CACNA1B: variants seen among roughly 807,000 people sequenced by gnomAD.
CACNA1B encodes voltage-dependent N-type calcium channel subunit alpha-1B.
CACNA1B carries 70 observed loss-of-function variants against 247.2 expected under a neutral mutation model. That is an observed-to-expected ratio of 0.28 (90% CI 0.23 to 0.35). The LOEUF (loss-of-function observed/expected upper bound fraction) is 0.35. Ranked by LOEUF, CACNA1B falls within the 10% of genes least tolerant of loss-of-function variation. CACNA1B has a pLI of 1.00. For synonymous variants in CACNA1B, 1,231 were observed against 1,294.4 expected (o/e 0.95, Z 1.05); for missense variants, 2,367 against 3,197.4 (o/e 0.74, Z 6.26).
At chr9:138,063,443 A>G (rs1959804310) in intron 31 of CACNA1B, among the ~76,000 whole-genome samples, 2 of 152,240 alleles carry the variant, frequency 1.3e-5, no homozygotes, top group South Asian at 2.1e-4. Context: ...GCAGTGAGCT[A>G]TGATCGCACC....
chr9:137,964,757 A>G (rs1015909788), intron 10 of CACNA1B, among the ~76,000 whole-genome samples: 23 of 152,256 alleles, frequency 1.5e-4, no homozygotes, highest in African/African-American at 5.5e-4. Context: ...TGTTGTGGTC[A>G]TTTGGAAGAA....
At chr9:138,088,967 A>G (rs1225000169) in intron 36 of CACNA1B, among the ~76,000 whole-genome samples, 2 of 59,366 alleles carry the variant, frequency 3.4e-5, no homozygotes, top group African/African-American at 1.9e-4. Flanking sequence ...CTCAAAAAAA[A>G]AAAAAAAAAA....
intron 25 of CACNA1B, among the ~76,000 whole-genome samples, chr9:138,053,168 G>C (rs952560452): frequency 6.6e-5 from 10 of 152,224 alleles, no homozygotes; most frequent in South Asian, 2.1e-4. Flanking sequence ...GTGCAGGGCA[G>C]AGCCTGGCTG....
chr9:137,985,728 G>A (rs1190900979), intron 13 of CACNA1B, among the ~76,000 whole-genome samples: 1 of 152,202 alleles, frequency 6.6e-6, no homozygotes, highest in East Asian at 1.9e-4. Flanking sequence ...AGAGGCACAG[G>A]GACATGAGGG....
intron 13 of CACNA1B, among the ~76,000 whole-genome samples, chr9:137,985,978 C>T (rs997249663): frequency 4.6e-5 from 7 of 152,224 alleles, no homozygotes; most frequent in African/African-American, 7.2e-5. Context: ...CTGTAGGTTC[C>T]GGTGTAGCTC....
At chr9:137,922,716 T>C (rs1376507393) in intron 6 of CACNA1B, among the ~76,000 whole-genome samples, 2 of 152,192 alleles carry the variant, frequency 1.3e-5, no homozygotes, top group Non-Finnish European at 2.9e-5. Flanking sequence ...AAGATAATTG[T>C]AGATTCACAT....
At chr9:138,088,546 A>G (rs1960776183) in intron 36 of CACNA1B, among the ~76,000 whole-genome samples, 1 of 152,150 alleles carries the variant, frequency 6.6e-6, no homozygotes, top group South Asian at 2.1e-4. Context: ...CACATTAGAA[A>G]ACCTAGCGGA....
chr9:138,104,747 T>C lies in CACNA1B; in HGVS notation c.5320-952T>C, dbSNP rs148998229. Among the ~76,000 whole-genome samples, 45 of 152,362 alleles carry C rather than the reference T, an allele frequency of 3.0e-4. No homozygotes were observed. The East Asian group carries it at 8.7e-3, about 29-fold the overall frequency. The stretch of plus-strand genomic sequence containing the variant: ...CAGGCAGACCCTGGGGAGGAGCTCC[T>C]GTCTCTAGCTGGACAGTGCTCCTGG... On this transcript the variant is annotated intron_variant, in intron 38 of 46. Coordinates refer to ENST00000371372, the MANE Select transcript of CACNA1B (RefSeq NM_000718.4).
At chr9:138,108,332 C>CAAAAAAAAAAAAAAAAAAAAAAA (rs1961507378) in intron 39 of CACNA1B, among the ~76,000 whole-genome samples, 1 of 127,472 alleles carries the variant, frequency 7.8e-6, no homozygotes, top group African/African-American at 3.2e-5. Context: ...AAAAAAAAAG[C>CAAAAAAAAAAAAAAAAAAAAAAA]AAAAGCTTCA....
At position 137,955,578 on chromosome 9, in the gene CACNA1B, C is replaced by G. The variant is rs1248199286; in HGVS notation, c.1071-120C>G. 5.9e-6 allele frequency: 4 copies of G among 677,396 alleles called. No homozygotes were observed. The East Asian group carries it at 1.1e-4, about 19-fold the overall frequency. 42.0% of individuals were successfully genotyped at this position (677,396 alleles called of 1,614,324 possible). A position where few individuals can be genotyped will look rare whatever the true frequency, so the allele number is the denominator to read the frequency against. On this transcript the variant is annotated intron_variant, in intron 7 of 46. Transcript: ENST00000371372. This position sits in a 1 kb window ranked among gnomAD's most constrained non-coding sequence, Gnocchi z 6.9. ...CTGGGTGGCAGGGGCCTGCCTGAAG[C>G]AGCAGCCTGCAGCCTGCGTCTCCTG...
intron 20 of CACNA1B, among the ~76,000 whole-genome samples, chr9:138,040,993 A>G (rs1267869197): frequency 1.3e-5 from 2 of 152,164 alleles, no homozygotes; most frequent in African/African-American, 4.8e-5. Context: ...ACCTCTCCAG[A>G]TATGTAGGAG....
intron 6 of CACNA1B, among the ~76,000 whole-genome samples, chr9:137,947,450 T>C (rs1484307819): frequency 6.6e-6 from 1 of 152,164 alleles, no homozygotes; most frequent in Non-Finnish European, 1.5e-5. Context: ...AATAGTACTA[T>C]AATTTTTGCT....
chr9:138,091,085 C>T (rs1208966695), intron 36 of CACNA1B, among the ~76,000 whole-genome samples: 1 of 152,092 alleles, frequency 6.6e-6, no homozygotes, highest in Non-Finnish European at 1.5e-5. Flanking sequence ...TATCTGGGCT[C>T]TCATGTTTAT....
chr9:138,120,397 T>C (rs1962043695), intron 45 of CACNA1B, 25 bp downstream of exon 45: 3 of 1,525,254 alleles, frequency 2.0e-6, no homozygotes, highest in Non-Finnish European at 2.6e-6. Context: ...GCCCGGGGAG[T>C]CCTTCGGGGA....
chr9:138,021,896 G>A (rs1299020732), intron 18 of CACNA1B, among the ~76,000 whole-genome samples: 1 of 152,246 alleles, frequency 6.6e-6, no homozygotes, highest in Non-Finnish European at 1.5e-5. Context: ...CCATCCAGCA[G>A]CCTTGGAGGC....
intron 6 of CACNA1B, among the ~76,000 whole-genome samples, chr9:137,947,740 A>C (rs750843507): frequency 6.6e-6 from 1 of 152,004 alleles, no homozygotes; most frequent in Non-Finnish European, 1.5e-5. Context: ...CTTTTCTTTC[A>C]GCACCTGAAA....
intron 18 of CACNA1B, among the ~76,000 whole-genome samples, chr9:138,015,404 T>A (rs1958778639): frequency 6.6e-6 from 1 of 151,894 alleles, no homozygotes; most frequent in South Asian, 2.1e-4. Flanking sequence ...TGCGTGCCTG[T>A]GTTGTGCTGA....
Position 137,967,682 on chromosome 9 carries a change from C to T in CACNA1B, c.1334-3701C>T, listed in dbSNP as rs147782353. 8.4e-4 allele frequency among the ~76,000 whole-genome samples: 127 copies of T among 151,262 alleles called. 1 individual carries two copies. Among genetic ancestry groups the T allele is most frequent in the African/African-American group, 3.0e-3 (122 of 40,816 alleles). ...GAGGAGCGAGATCCAGGCTGCTGTG[C>T]CCACTGCAAGTGTCTCTCTCTCTCA... On this transcript the variant is annotated intron_variant, in intron 10 of 46. Transcript: ENST00000371372.
At chr9:137,912,079 C>A (rs1329133755) in intron 3 of CACNA1B, among the ~76,000 whole-genome samples, 1 of 152,132 alleles carries the variant, frequency 6.6e-6, no homozygotes, top group Non-Finnish European at 1.5e-5. Context: ...AAAAATAATT[C>A]TTTAGTTGTG....
Sources: gnomAD v4.1 joint callset for allele counts (sites outside exome capture counted in the v4.1 genomes callset) on GRCh38, gnomAD v4.1.1 for gene constraint, Gnocchi (gnomAD v3.1) non-coding constraint, MANE v1.5 for transcripts, NCBI Gene and HGNC (gene_info 2026-07-23, HGNC 2026-07-21) for gene names.